The following GABRB1 variants were observed in gnomAD, a reference collection of about 807,000 sequenced individuals.
GABRB1 encodes gamma-aminobutyric acid type A receptor subunit beta1.
A neutral mutation model predicts 51.6 loss-of-function variants in GABRB1; 17 were observed. The ratio of observed to expected loss-of-function variants is 0.33; its 90% confidence interval spans 0.23 to 0.49. GABRB1 has a LOEUF of 0.49. Among genes scored for constraint, GABRB1 ranks in the 20% least tolerant of loss-of-function variants. GABRB1 has a pLI of 0.99. For missense variants in GABRB1, 410 were observed against 600.6 expected (o/e 0.68, Z 3.32); for synonymous variants, 247 against 218.9 (o/e 1.13, Z -1.14).
intron 8 of GABRB1, among the ~76,000 whole-genome samples, chr4:47,422,495 A>T (rs1729120842): frequency 6.6e-6 from 1 of 152,154 alleles, no homozygotes; most frequent in East Asian, 1.9e-4. Context: ...GGCCTTATTG[A>T]TAAATCTATG....
In GABRB1 at chr4:47,087,529, C is replaced by T. The variant is rs188428899; in HGVS notation, c.240+55045C>T. On this transcript the variant is annotated intron_variant, in intron 3 of 8. Coordinates refer to ENST00000295454, the MANE Select transcript of GABRB1 (RefSeq NM_000812.4). ...TCTAACTCTGAGGCGCTGCATCCCC[C>T]GTTAGCACTTTCTTTTTTTTTTTTT... Among the ~76,000 whole-genome samples the T allele has an allele frequency of 3.6e-3, 547 of 150,822 alleles. 3 individuals are homozygous for T. The highest frequency in any genetic ancestry group is 0.012 in the African/African-American group (508 of 40,980).
At chr4:47,072,097 G>T (rs1727363789) in intron 3 of GABRB1, among the ~76,000 whole-genome samples, 2 of 151,236 alleles carry the variant, frequency 1.3e-5, no homozygotes, top group Non-Finnish European at 2.9e-5. Context: ...ATCTTGACTG[G>T]ATAGAAAAAG....
intron 1 of GABRB1, among the ~76,000 whole-genome samples, chr4:47,009,684 G>T (rs1386884146): frequency 1.3e-5 from 2 of 152,156 alleles, no homozygotes; most frequent in African/African-American, 2.4e-5. Context: ...TCTGGAATTT[G>T]ATTGTAGGAG....
At chr4:47,354,336 A>G (rs1726473646) in intron 5 of GABRB1, among the ~76,000 whole-genome samples, 1 of 152,208 alleles carries the variant, frequency 6.6e-6, no homozygotes, top group Non-Finnish European at 1.5e-5. Flanking sequence ...ATTGTTCACA[A>G]CTGAGCTAGT....
chr4:47,301,201 A>C (rs1011438716), intron 4 of GABRB1, among the ~76,000 whole-genome samples: 1 of 152,182 alleles, frequency 6.6e-6, no homozygotes, highest in African/African-American at 2.4e-5. Flanking sequence ...TCCTAATGAG[A>C]TACACTACTC....
intron 4 of GABRB1, among the ~76,000 whole-genome samples, chr4:47,267,472 G>T (rs1300180153): frequency 1.3e-5 from 2 of 151,856 alleles, no homozygotes; most frequent in African/African-American, 4.8e-5. Flanking sequence ...TTCAGTCATC[G>T]AAATGACAGT....
chr4:47,198,546 T>C (rs4695195), intron 4 of GABRB1, among the ~76,000 whole-genome samples: 130,787 of 152,112 alleles, frequency 0.86, 56,252 homozygotes, highest in Middle Eastern at 0.92. Context: ...AAACAAACTG[T>C]TGGTAGAAAT....
intron 3 of GABRB1, among the ~76,000 whole-genome samples, chr4:47,074,867 G>A (rs781082641): frequency 6.6e-6 from 1 of 152,214 alleles, no homozygotes; most frequent in Non-Finnish European, 1.5e-5. Context: ...AAGTAACTAA[G>A]TGGCAGATGG....
At chr4:47,096,030 A>G (rs1256582537) in intron 3 of GABRB1, among the ~76,000 whole-genome samples, 3 of 152,142 alleles carry the variant, frequency 2.0e-5, no homozygotes, top group African/African-American at 7.2e-5. Flanking sequence ...GACTTTTGTC[A>G]TGGAGTTGTG....
intron 3 of GABRB1, among the ~76,000 whole-genome samples, chr4:47,056,492 G>C (rs751860039): frequency 1.2e-4 from 19 of 152,132 alleles, no homozygotes; most frequent in Non-Finnish European, 1.9e-4. Context: ...CACATATAAA[G>C]GTAGCATGCT....
chr4:47,070,255 C>T (rs1727271763), intron 3 of GABRB1, among the ~76,000 whole-genome samples: 1 of 152,164 alleles, frequency 6.6e-6, no homozygotes. Flanking sequence ...AGCCTGGTCT[C>T]AAACTCCTGA....
intron 4 of GABRB1, among the ~76,000 whole-genome samples, chr4:47,250,207 T>C (rs534410163): frequency 1.1e-4 from 16 of 152,190 alleles, no homozygotes; most frequent in Non-Finnish European, 1.8e-4. Context: ...CCTTCATATA[T>C]GATGCTTAGT....
chr4:47,271,857 C>T (rs951799630), intron 4 of GABRB1, among the ~76,000 whole-genome samples: 19 of 152,194 alleles, frequency 1.2e-4, no homozygotes, highest in Admixed American at 1.3e-4. Context: ...TTCCAGTGAT[C>T]CTAAATATCA....
At chr4:47,242,968 A>T (rs1267455802) in intron 4 of GABRB1, among the ~76,000 whole-genome samples, 1 of 152,142 alleles carries the variant, frequency 6.6e-6, no homozygotes, top group East Asian at 1.9e-4. Context: ...GCCCTTGCCT[A>T]TGTCCTGAAT....
At chr4:47,298,516 G>T (rs1210062680) in intron 4 of GABRB1, among the ~76,000 whole-genome samples, 1 of 152,052 alleles carries the variant, frequency 6.6e-6, no homozygotes, top group Non-Finnish European at 1.5e-5. Flanking sequence ...AAATACCTAG[G>T]AATCCAACTT....
rs1253706033 is a variant in GABRB1, at chr4:47,077,981, TATATA to T, written c.240+45503_240+45507del. 4.4e-5 allele frequency among the ~76,000 whole-genome samples: 6 copies of T among 135,962 alleles called. No individual in the cohort carries two copies. The South Asian group carries it at 1.3e-3, about 29-fold the overall frequency. The allele number at this position is 135,962 out of a possible 152,430, so 89.2% of individuals were successfully genotyped here. ...TTTTATATATATATTTTATATATAA[TATATA>T]ATATATAATATATATATATTGGGAA... On this transcript the variant is annotated intron_variant, in intron 3 of 8. Transcript: ENST00000295454.
chr4:47,073,466 C>T (rs1200301376), intron 3 of GABRB1, among the ~76,000 whole-genome samples: 1 of 152,070 alleles, frequency 6.6e-6, no homozygotes, highest in Admixed American at 6.6e-5. Context: ...GTCCAGTGTT[C>T]TAAGAGGCAT....
At chr4:47,116,554 T>G (rs1249740456) in intron 3 of GABRB1, among the ~76,000 whole-genome samples, 1 of 152,204 alleles carries the variant, frequency 6.6e-6, no homozygotes, top group East Asian at 1.9e-4. Flanking sequence ...CTAAATCTTT[T>G]GGAACATATA....
intron 3 of GABRB1, among the ~76,000 whole-genome samples, chr4:47,160,404 G>C (rs1033225340): frequency 6.6e-6 from 1 of 152,150 alleles, no homozygotes; most frequent in Non-Finnish European, 1.5e-5. Context: ...CTCATCCATC[G>C]ATAAGTTGTA....
Sources: gnomAD v4.1 joint callset for allele counts (sites outside exome capture counted in the v4.1 genomes callset) on GRCh38, gnomAD v4.1.1 for gene constraint, MANE v1.5 for transcripts, NCBI Gene and HGNC (gene_info 2026-07-23, HGNC 2026-07-21) for gene names.